Variants in PKIB observed in about 807,000 individuals in gnomAD.
PKIB encodes the protein cAMP-dependent protein kinase inhibitor beta, also known as PKI-beta.
A neutral mutation model predicts 4.5 loss-of-function variants in PKIB; 2 were observed. The observed-to-expected ratio is 0.44, with a 90% CI of 0.18 to 1.39. The LOEUF is 1.39. Among genes scored for constraint, PKIB ranks in the 40% most tolerant of loss-of-function variants. PKIB has a pLI of 0.27. For synonymous variants in PKIB, 38 were observed against 36.0 expected, an observed-to-expected ratio of 1.06 and a Z score of -0.20; for missense variants, 94 against 92.6, an observed-to-expected ratio of 1.02 and a Z score of -0.06.
chr6:122,543,019 G>T (rs9401555), intron 2 of PKIB, among the ~76,000 whole-genome samples: 19,549 of 152,098 alleles, frequency 0.13, 1,413 homozygotes, highest in East Asian at 0.21. Flanking sequence ...CTCTGAGCCA[G>T]GTGTGGGATA....
intron 4 of PKIB, 81 bp downstream of exon 4, chr6:122,718,044 T>C: frequency 7.0e-7 from 1 of 1,432,674 alleles, no homozygotes; most frequent in Non-Finnish European, 9.4e-7. Context: ...CTTTCTTTTA[T>C]CTAGTTAAAA....
chr6:122,493,235 T>C (rs1775987075), intron 2 of PKIB: 1 of 152,214 alleles, frequency 6.6e-6, no homozygotes, highest in South Asian at 2.1e-4. Context: ...TTAGGACCTT[T>C]GGGAAGTGAA....
chr6:122,509,903 G>A (rs983402188), intron 2 of PKIB, among the ~76,000 whole-genome samples: 8 of 151,098 alleles, frequency 5.3e-5, no homozygotes, highest in African/African-American at 1.9e-4. Context: ...ATCTGGGCTT[G>A]TTGAGTTTTT....
intron 2 of PKIB, among the ~76,000 whole-genome samples, chr6:122,671,495 C>T (rs1777462355): frequency 1.3e-5 from 2 of 152,128 alleles, no homozygotes; most frequent in African/African-American, 4.8e-5. Context: ...ATGCCTTTGA[C>T]TGAACTTTGT....
intron 2 of PKIB, among the ~76,000 whole-genome samples, chr6:122,660,764 T>C (rs1246974491): frequency 6.6e-6 from 1 of 152,190 alleles, no homozygotes; most frequent in African/African-American, 2.4e-5. Flanking sequence ...TGTTCCCATA[T>C]GGAAATGTGT....
chr6:122,710,827 T>G (rs1779246028), intron 3 of PKIB, among the ~76,000 whole-genome samples: 1 of 152,124 alleles, frequency 6.6e-6, no homozygotes, highest in Non-Finnish European at 1.5e-5. Flanking sequence ...TTAAGCAGGC[T>G]CCAGTACCTC....
At chr6:122,625,455 G>A (rs1365398537) in intron 1 of PKIB, among the ~76,000 whole-genome samples, 1 of 152,012 alleles carries the variant, frequency 6.6e-6, no homozygotes, top group Admixed American at 6.6e-5. Context: ...TATAAAGCAG[G>A]TTATTTGCAA....
chr6:122,701,033 C>T (rs1778793032), intron 3 of PKIB: 1 of 163,818 alleles, frequency 6.1e-6, no homozygotes, highest in Non-Finnish European at 1.3e-5. Flanking sequence ...ATGCTCCTTC[C>T]TCTCCCCACC....
intron 1 of PKIB, among the ~76,000 whole-genome samples, chr6:122,630,298 A>T (rs1057390175): frequency 6.6e-6 from 1 of 152,150 alleles, no homozygotes; most frequent in Non-Finnish European, 1.5e-5. Context: ...TGATGGATGA[A>T]TACATAAACA....
At chr6:122,643,038 G>A (rs1776181189) in intron 2 of PKIB, among the ~76,000 whole-genome samples, 1 of 152,224 alleles carries the variant, frequency 6.6e-6, no homozygotes, top group South Asian at 2.1e-4. Flanking sequence ...GAGAGAACAA[G>A]CATAAGGAAA....
intron 3 of PKIB, among the ~76,000 whole-genome samples, chr6:122,600,166 G>C (rs548213630): frequency 6.6e-6 from 1 of 152,292 alleles, no homozygotes; most frequent in African/African-American, 2.4e-5. Context: ...CTTGGAGTCT[G>C]ATGTTCAAGG....
At chr6:122,551,874 CTTTTTTTTTT>C (rs61025863) in intron 2 of PKIB, among the ~76,000 whole-genome samples, 3 of 87,520 alleles carry the variant, frequency 3.4e-5, no homozygotes, top group South Asian at 6.0e-4. Context: ...CTTAGTACAT[CTTTTTTTTTT>C]TTTTTTTTTT....
At chr6:122,538,328 TATA>T in intron 2 of PKIB, among the ~76,000 whole-genome samples, 1 of 152,162 alleles carries the variant, frequency 6.6e-6, no homozygotes, top group East Asian at 1.9e-4. Context: ...CATGTAAGTC[TATA>T]ATCCATCTTG....
chr6:122,553,584 C>T (rs1435649727), intron 2 of PKIB, among the ~76,000 whole-genome samples: 2 of 147,952 alleles, frequency 1.4e-5, no homozygotes, highest in Non-Finnish European at 3.0e-5. Context: ...ACAAGCCATC[C>T]ATAGGTCTGT....
At chr6:122,547,662 C>CTT (rs1262002107) in intron 2 of PKIB, among the ~76,000 whole-genome samples, 3 of 152,136 alleles carry the variant, frequency 2.0e-5, no homozygotes, top group Non-Finnish European at 4.4e-5. Flanking sequence ...CTTATACTGT[C>CTT]TGTCTTGGCT....
intron 2 of PKIB, among the ~76,000 whole-genome samples, chr6:122,650,189 C>A (rs1776494927): frequency 6.6e-6 from 1 of 152,072 alleles, no homozygotes; most frequent in Admixed American, 6.6e-5. Flanking sequence ...GTCTAACATG[C>A]CCCATACTAC....
chr6:122,579,285 A>G (rs1343218489), intron 2 of PKIB, among the ~76,000 whole-genome samples: 2 of 152,010 alleles, frequency 1.3e-5, no homozygotes, highest in East Asian at 3.9e-4. Flanking sequence ...CTGCTTTTCC[A>G]TCTTCATATC....
intron 3 of PKIB, among the ~76,000 whole-genome samples, chr6:122,594,551 A>T (rs1372624262): frequency 2.6e-5 from 4 of 152,192 alleles, no homozygotes; most frequent in African/African-American, 9.6e-5. Context: ...ACATGTTTTT[A>T]ACAAAAGAAG....
rs545983451 is a variant in PKIB at position 122,577,739 on chromosome 6, C to T, written c.-247-8182C>T. ...CCTGGCTAACACAGTGAAACCCCGT[C>T]TCTACTAAAAATACAAAAAATTAGC... is the stretch of plus-strand genomic sequence containing the variant. On this transcript the variant is annotated intron_variant, in intron 2 of 6. Coordinates refer to the PKIB transcript ENST00000392491. Among the ~76,000 whole-genome samples the T allele has an allele frequency of 9.9e-5, 15 of 151,930 alleles. No individual in the cohort carries two copies. In the East Asian group the frequency reaches 2.9e-3, roughly 29 times the overall value.
Sources: gnomAD v4.1 joint callset for allele counts (sites outside exome capture counted in the v4.1 genomes callset) on GRCh38, gnomAD v4.1.1 for gene constraint, MANE v1.5 for transcripts, NCBI Gene and HGNC (gene_info 2026-07-23, HGNC 2026-07-21) for gene names.